The following FBRSL1 variants were observed in gnomAD, a reference collection of about 807,000 sequenced individuals.
FBRSL1 encodes fibrosin like 1.
A neutral mutation model predicts 89.6 loss-of-function variants in FBRSL1; 51 were observed. The ratio of observed to expected loss-of-function variants is 0.57; its 90% CI spans 0.45 to 0.72. The LOEUF (loss-of-function observed/expected upper bound fraction) is 0.72, where lower values mean the gene tolerates loss of function less well. FBRSL1 is among the 30% of genes least tolerant of loss of function. FBRSL1 has a pLI of 0.00. For missense variants in FBRSL1, 1,618 were observed against 1,451.8 expected, an observed-to-expected ratio of 1.11 and a Z score of -1.86; for synonymous variants, 779 against 681.1, an observed-to-expected ratio of 1.14 and a Z score of -2.24.
chr12:132,518,142 C>T (rs908037376), intron 2 of FBRSL1, among the ~76,000 whole-genome samples: 106 of 152,270 alleles, frequency 7.0e-4, no homozygotes, highest in African/African-American at 2.3e-3. Flanking sequence ...ACTAGTGTCC[C>T]CAAGAGCCTG....
chr12:132,578,367 A>G (rs951384744), intron 15 of FBRSL1, among the ~76,000 whole-genome samples: 1 of 151,764 alleles, frequency 6.6e-6, no homozygotes, highest in African/African-American at 2.4e-5. Context: ...ACACACACAC[A>G]AAATCATAGA....
chr12:132,494,995 G>C (rs896583988), intron 1 of FBRSL1, among the ~76,000 whole-genome samples: 1 of 152,372 alleles, frequency 6.6e-6, no homozygotes, highest in South Asian at 2.1e-4. Flanking sequence ...TCCCAGGGCT[G>C]TCTGTGGGCG....
intron 2 of FBRSL1, chr12:132,511,834 T>TGCCCCCCCCCCCCCGG: frequency 1.1e-6 from 1 of 899,050 alleles, no homozygotes; most frequent in Non-Finnish European, 1.3e-6. Flanking sequence ...GCCCCCTCGC[T>TGCCCCCCCCCCCCCGG]CCCCACCCAC....
Position 132,507,432 on chromosome 12 carries a change from A to G in FBRSL1, c.292-721A>G, listed in dbSNP as rs567286534. On this transcript the variant is annotated intron_variant, in intron 1 of 18. Transcript: ENST00000680143. ...TCGAGTGTGGAGGTGGGGACCCCAGAACCTGGGGCTGCCCGATGTCCACCG... is the reference window on the plus strand; with the variant it reads ...TCGAGTGTGGAGGTGGGGACCCCAGGACCTGGGGCTGCCCGATGTCCACCG... 3.8e-5 allele frequency: 37 copies of G among 985,480 alleles called. No individual in the cohort carries two copies. The African/African-American group carries it at 5.1e-4, about 13-fold the overall frequency. 61.0% of individuals were successfully genotyped at this position (985,480 alleles called of 1,614,324 possible).
At chr12:132,559,894 C>T (rs1267588259) in intron 5 of FBRSL1, among the ~76,000 whole-genome samples, 1 of 150,244 alleles carries the variant, frequency 6.7e-6, no homozygotes, top group Non-Finnish European at 1.5e-5. Flanking sequence ...TGGATCGGCG[C>T]CTCGGGGCTG....
At chr12:132,528,202 A>G (rs2035962346) in intron 4 of FBRSL1, among the ~76,000 whole-genome samples, 1 of 151,988 alleles carries the variant, frequency 6.6e-6, no homozygotes, top group African/African-American at 2.4e-5. Flanking sequence ...CGTCCTGCTC[A>G]CGGTTTGCCA....
intron 2 of FBRSL1, chr12:132,510,354 G>A: frequency 1.6e-6 from 2 of 1,231,618 alleles, no homozygotes; most frequent in East Asian, 3.2e-5. Flanking sequence ...CCTGGCCCTG[G>A]GCCATCCCTG....
chr12:132,542,513 C>G (rs2137226369), intron 4 of FBRSL1, among the ~76,000 whole-genome samples: 1 of 152,366 alleles, frequency 6.6e-6, no homozygotes, highest in African/African-American at 2.4e-5. Flanking sequence ...CAGGAACCTT[C>G]ATGCAGTGCC....
At chr12:132,542,539 G>A (rs568864374) in intron 4 of FBRSL1, among the ~76,000 whole-genome samples, 3 of 152,332 alleles carry the variant, frequency 2.0e-5, no homozygotes, top group East Asian at 1.9e-4. Context: ...GCAGAAACCC[G>A]GCCCTCACTG....
At chr12:132,551,018 C>T in intron 5 of FBRSL1, 2 of 256,378 alleles carry the variant, frequency 7.8e-6, no homozygotes, top group South Asian at 4.8e-5. Flanking sequence ...CCCAGCCCTC[C>T]TCCCTACCCG....
chr12:132,558,990 A>C (rs957047502), intron 5 of FBRSL1, among the ~76,000 whole-genome samples: 2 of 152,194 alleles, frequency 1.3e-5, no homozygotes, highest in Non-Finnish European at 2.9e-5. Flanking sequence ...ATCGCGTTTG[A>C]GTTCGCAGTT....
intron 1 of FBRSL1, among the ~76,000 whole-genome samples, chr12:132,491,415 C>G (rs904738074): frequency 4.6e-5 from 7 of 152,222 alleles, no homozygotes; most frequent in African/African-American, 1.7e-4. Flanking sequence ...ATTTGCTGAG[C>G]AAATACTGCT....
In FBRSL1 at chr12:132,520,069, C is replaced by T. The variant is rs146096237; in HGVS notation, c.490-5665C>T. 8.2e-4 allele frequency among the ~76,000 whole-genome samples: 124 copies of T among 151,556 alleles called. 1 individual carries two copies. Among genetic ancestry groups the T allele is most frequent in the African/African-American group, 2.9e-3 (118 of 41,248 alleles). On this transcript the variant is annotated intron_variant, in intron 2 of 18. Coordinates refer to ENST00000680143, the MANE Select transcript of FBRSL1 (RefSeq NM_001367871.1). ...GTACACAGCCTTCCTCGCACTCCTC[C>T]AGCACCCCCTCCTTGCACCCCTCCA...
At chr12:132,536,936 T>C (rs964225860) in intron 4 of FBRSL1, among the ~76,000 whole-genome samples, 1 of 152,206 alleles carries the variant, frequency 6.6e-6, no homozygotes, top group Non-Finnish European at 1.5e-5. Flanking sequence ...TATGTGATCA[T>C]GTTGTGCCAT....
chr12:132,570,373 T>A lies in FBRSL1; in HGVS notation c.1046T>A (p.Val349Glu), dbSNP rs1380162403. The A allele has an allele frequency of 6.5e-7, 1 of 1,533,624 alleles. No homozygotes were observed. The highest frequency in any genetic ancestry group is 2.5e-5 in the East Asian group (1 of 40,676). Residue 349 changes from valine to glutamate, a missense_variant, in exon 8 of 19, where the codon GTG becomes GAG. Val to Glu is a moderately radical substitution (Grantham distance 121, BLOSUM62 -2). Coordinates refer to ENST00000680143, the MANE Select transcript of FBRSL1 (RefSeq NM_001367871.1). ...GCCCCCCTGGGCCTGGGGAAGCACG[T>A]GTCGCTGTCGCCACACGGGCCGGGC... ...SSAPLGLGKH[V>E]SLSPHGPGPH...
At chr12:132,545,277 C>T (rs541489958) in intron 4 of FBRSL1, among the ~76,000 whole-genome samples, 19 of 152,384 alleles carry the variant, frequency 1.2e-4, no homozygotes, top group African/African-American at 4.3e-4. Flanking sequence ...AGCCCAGCCC[C>T]GGCGCCGTGA....
chr12:132,565,948 G>A (rs116182309), intron 5 of FBRSL1: 2 of 152,206 alleles, frequency 1.3e-5, no homozygotes, highest in Non-Finnish European at 2.9e-5. Flanking sequence ...TCTTTTTGGG[G>A]TGATGATAAT....
At chr12:132,538,232 C>T (rs2036928348) in intron 4 of FBRSL1, among the ~76,000 whole-genome samples, 1 of 152,186 alleles carries the variant, frequency 6.6e-6, no homozygotes, top group Non-Finnish European at 1.5e-5. Flanking sequence ...AACCAGGGCT[C>T]CAGCCCCACG....
intron 2 of FBRSL1, among the ~76,000 whole-genome samples, chr12:132,522,089 G>A (rs963950865): frequency 6.6e-6 from 1 of 152,026 alleles, no homozygotes; most frequent in African/African-American, 2.4e-5. Context: ...GTGTGCAGCC[G>A]GCGCGGCCCC....
Sources: gnomAD v4.1 joint callset for allele counts (sites outside exome capture counted in the v4.1 genomes callset) on GRCh38, gnomAD v4.1.1 for gene constraint, MANE v1.5 for transcripts, NCBI Gene and HGNC (gene_info 2026-07-23, HGNC 2026-07-21) for gene names.